RBFOX1: variants seen among roughly 807,000 people sequenced by gnomAD.
RBFOX1 encodes RNA binding protein fox-1 homolog 1.
RBFOX1 carries 8 observed loss-of-function variants against 57.7 expected under a neutral mutation model. The ratio of observed to expected loss-of-function variants is 0.14; its 90% confidence interval spans 0.08 to 0.25. RBFOX1 has a LOEUF of 0.25. Among genes scored for constraint, RBFOX1 ranks in the 10% least tolerant of loss-of-function variants. The probability of loss-of-function intolerance (pLI) is 1.00; values close to 1 mark genes in which losing one functional copy is unlikely to be tolerated. For synonymous variants in RBFOX1, 326 were observed against 222.4 expected, an observed-to-expected ratio of 1.47 and a Z score of -4.15; for missense variants, 611 against 548.5, an observed-to-expected ratio of 1.11 and a Z score of -1.14.
At chr16:5,800,299 A>C (rs1162041181) in intron 3 of RBFOX1, among the ~76,000 whole-genome samples, 2 of 152,170 alleles carry the variant, frequency 1.3e-5, no homozygotes, top group Admixed American at 6.5e-5. Flanking sequence ...CCCATAGTCC[A>C]TTTCGTTACT....
chr16:6,436,342 C>A (rs1361607424), intron 2 of RBFOX1, among the ~76,000 whole-genome samples: 1 of 152,074 alleles, frequency 6.6e-6, no homozygotes, highest in Non-Finnish European at 1.5e-5. Flanking sequence ...TTTTATACCA[C>A]CAATAGCCAT....
chr16:7,620,739 A>G (rs1401854309), intron 10 of RBFOX1, among the ~76,000 whole-genome samples: 1 of 152,212 alleles, frequency 6.6e-6, no homozygotes, highest in Non-Finnish European at 1.5e-5. Context: ...AGGACCAAGT[A>G]TCACCATTGA....
At chr16:7,671,120 A>G (rs2071293907) in intron 13 of RBFOX1, among the ~76,000 whole-genome samples, 1 of 152,222 alleles carries the variant, frequency 6.6e-6, no homozygotes, top group Non-Finnish European at 1.5e-5. Context: ...TTATGCAGTT[A>G]TGGTTGCTAC....
At chr16:6,930,187 A>G (rs1455435795) in intron 3 of RBFOX1, among the ~76,000 whole-genome samples, 1 of 152,218 alleles carries the variant, frequency 6.6e-6, no homozygotes. Context: ...TTGATAAGGG[A>G]TTAATATTGA....
intron 3 of RBFOX1, among the ~76,000 whole-genome samples, chr16:5,842,367 T>C (rs975365688): frequency 1.3e-5 from 2 of 152,190 alleles, no homozygotes; most frequent in Non-Finnish European, 1.5e-5. Context: ...GTTCTCTCTG[T>C]GGGAAATCAC....
At chr16:7,652,026 G>A (rs2065166837) in intron 11 of RBFOX1, among the ~76,000 whole-genome samples, 1 of 151,970 alleles carries the variant, frequency 6.6e-6, no homozygotes, top group African/African-American at 2.4e-5. Flanking sequence ...GGGAGGAAGG[G>A]CATCCCAGGT....
chr16:6,625,703 T>C (rs888996316), intron 2 of RBFOX1, among the ~76,000 whole-genome samples: 13 of 148,928 alleles, frequency 8.7e-5, no homozygotes, highest in African/African-American at 3.2e-4. Flanking sequence ...TTCCAATTAA[T>C]GTAATCTTGT....
intron 1 of RBFOX1, among the ~76,000 whole-genome samples, chr16:6,092,166 G>A (rs1037406895): frequency 3.9e-5 from 6 of 152,180 alleles, no homozygotes; most frequent in African/African-American, 1.4e-4. Flanking sequence ...ACTAATAAAT[G>A]CTTATCATGA....
intron 4 of RBFOX1, among the ~76,000 whole-genome samples, chr16:5,925,847 C>T (rs144693292): frequency 2.0e-5 from 3 of 152,142 alleles, no homozygotes; most frequent in Non-Finnish European, 4.4e-5. Flanking sequence ...ACTACCTGGG[C>T]CCCTCTCAGC....
intron 4 of RBFOX1, among the ~76,000 whole-genome samples, chr16:5,934,571 G>A (rs1020454781): frequency 1.9e-4 from 29 of 152,110 alleles, no homozygotes; most frequent in Admixed American, 3.9e-4. Flanking sequence ...GACAGATCCC[G>A]CCAAGTGTTT....
At chr16:5,383,258 G>GTA (rs2151395997) in intron 1 of RBFOX1, among the ~76,000 whole-genome samples, 1 of 152,308 alleles carries the variant, frequency 6.6e-6, no homozygotes, top group East Asian at 1.9e-4. Flanking sequence ...ATTCATGAAT[G>GTA]TATAAGTGGC....
chr16:5,880,996 T>A (rs2057747847), intron 4 of RBFOX1, among the ~76,000 whole-genome samples: 1 of 152,240 alleles, frequency 6.6e-6, no homozygotes, highest in Non-Finnish European at 1.5e-5. Flanking sequence ...TATCTGTGAT[T>A]TCTCTTGGTG....
chr16:6,640,842 G>C lies in RBFOX1; in HGVS notation c.-63-13761G>C, dbSNP rs75587248. ...TCTGACTAGTCCCTGTCATGTTCTA[G>C]CCCCATCTTAGGATTAAGGCCAAGA... On this transcript the variant is annotated intron_variant, in intron 2 of 15. Coordinates refer to ENST00000550418, the MANE Select transcript of RBFOX1 (RefSeq NM_018723.4). 6.6e-5 allele frequency among the ~76,000 whole-genome samples: 10 copies of C among 152,062 alleles called. No individual in the cohort carries two copies. In the South Asian group the frequency reaches 1.9e-3, roughly 28 times the overall value.
chr16:5,579,820 C>G (rs943072969), intron 2 of RBFOX1, among the ~76,000 whole-genome samples: 9 of 151,502 alleles, frequency 5.9e-5, no homozygotes, highest in African/African-American at 2.2e-4. Context: ...GGTGCAGTCA[C>G]TCGATCTCAG....
chr16:7,354,270 C>T (rs2097176745), intron 4 of RBFOX1, among the ~76,000 whole-genome samples: 1 of 152,066 alleles, frequency 6.6e-6, no homozygotes, highest in Non-Finnish European at 1.5e-5. Context: ...CATGCTTGGC[C>T]CGAATTGTAT....
At chr16:5,672,212 C>T (rs1258715080) in intron 3 of RBFOX1, among the ~76,000 whole-genome samples, 5 of 152,254 alleles carry the variant, frequency 3.3e-5, no homozygotes, top group African/African-American at 9.6e-5. Context: ...ATTATATTCT[C>T]TTAGGTGAGC....
At chr16:7,206,033 C>A (rs546135935) in intron 4 of RBFOX1, among the ~76,000 whole-genome samples, 1 of 152,120 alleles carries the variant, frequency 6.6e-6, no homozygotes, top group African/African-American at 2.4e-5. Flanking sequence ...CACCCAGAGG[C>A]GAGTAGGATG....
At chr16:6,723,484 G>A (rs999559170) in intron 3 of RBFOX1, among the ~76,000 whole-genome samples, 1 of 152,122 alleles carries the variant, frequency 6.6e-6, no homozygotes, top group Non-Finnish European at 1.5e-5. Context: ...TTTGATCTGG[G>A]TAGAAAAAAT....
chr16:7,269,167 A>C (rs1210660108), intron 4 of RBFOX1, among the ~76,000 whole-genome samples: 3 of 151,804 alleles, frequency 2.0e-5, no homozygotes, highest in Non-Finnish European at 4.4e-5. Context: ...ACCAATGAGC[A>C]GTTTCCGGTT....
Sources: allele counts gnomAD v4.1 joint callset (sites outside exome capture counted in the v4.1 genomes callset), GRCh38; gene constraint gnomAD v4.1.1; transcripts MANE v1.5; gene names NCBI Gene and HGNC (gene_info 2026-07-23, HGNC 2026-07-21).